Variants in CSMD1 observed in about 807,000 individuals in gnomAD.
The protein encoded by CSMD1 is CUB and Sushi multiple domains 1, also known as CUB and sushi domain-containing protein 1.
In CSMD1, 213 loss-of-function variants were observed where a neutral mutation model predicts 417.5. The observed-to-expected ratio is 0.51, with a 90% CI of 0.46 to 0.57. CSMD1 has a LOEUF of 0.57. Ranked by LOEUF, CSMD1 falls within the 20% of genes least tolerant of loss-of-function variation. The pLI, the probability that CSMD1 is intolerant of heterozygous loss-of-function variation, is 0.00. For missense variants in CSMD1, 6,923 were observed against 4,529.7 expected (o/e 1.53, Z -15.17); for synonymous variants, 2,862 against 1,736.8 (o/e 1.65, Z -16.11).
intron 5 of CSMD1, among the ~76,000 whole-genome samples, chr8:3,790,438 G>C (rs1211820419): frequency 1.3e-5 from 2 of 152,112 alleles, no homozygotes; most frequent in African/African-American, 2.4e-5. Flanking sequence ...TATAATGATG[G>C]TGATGATGAC....
rs984059354 is a variant in CSMD1, at chr8:2,950,090, C to A, written c.10314+141G>T. 12 of 613,118 alleles carry A rather than the reference C, an allele frequency of 2.0e-5. No homozygotes were observed. In the African/African-American group the frequency reaches 2.0e-4, roughly 10 times the overall value. The allele number at this position is 613,118 out of a possible 1,614,324, so 38.0% of individuals were successfully genotyped here. A position where few individuals can be genotyped will look rare whatever the true frequency, so the allele number is the denominator to read the frequency against. ...TGAAGGAATAAAATGGCCACTCTGT[C>A]AAGAAGAGGGGCAGCTGAGTTTTCA... On this transcript the variant is annotated intron_variant, in intron 67 of 69. Transcript: ENST00000635120.
intron 23 of CSMD1, among the ~76,000 whole-genome samples, chr8:3,308,744 T>TTG (rs1805093023): frequency 6.7e-6 from 1 of 148,978 alleles, no homozygotes; most frequent in African/African-American, 2.5e-5. Flanking sequence ...TTTTTTTTTT[T>TTG]TTTTTTTTTG....
chr8:4,498,596 G>C (rs1407194749), intron 2 of CSMD1, among the ~76,000 whole-genome samples: 3 of 152,128 alleles, frequency 2.0e-5, no homozygotes, highest in Non-Finnish European at 2.9e-5. Flanking sequence ...TTATAAAATA[G>C]TTCATTCAAA....
intron 11 of CSMD1, among the ~76,000 whole-genome samples, chr8:3,481,446 G>A (rs960310846): frequency 3.9e-5 from 6 of 152,230 alleles, no homozygotes; most frequent in East Asian, 3.9e-4. Context: ...AAATGCAAGT[G>A]CAGTTTCCAT....
At chr8:3,553,949 G>T (rs10100507) in intron 10 of CSMD1, among the ~76,000 whole-genome samples, 83,102 of 152,052 alleles carry the variant, frequency 0.55, 22,900 homozygotes, top group East Asian at 0.67. Flanking sequence ...AAAACAGAAT[G>T]TAATTTGTAC....
At chr8:3,489,129 G>C (rs1267880199) in intron 11 of CSMD1, among the ~76,000 whole-genome samples, 2 of 152,114 alleles carry the variant, frequency 1.3e-5, no homozygotes, top group Non-Finnish European at 2.9e-5. Flanking sequence ...TTAATAAAAA[G>C]AGAATGATAC....
chr8:4,401,772 C>T (rs948663846), intron 3 of CSMD1, among the ~76,000 whole-genome samples: 3 of 152,070 alleles, frequency 2.0e-5, no homozygotes, highest in Non-Finnish European at 4.4e-5. Flanking sequence ...ACATAGTCCC[C>T]GCAGCCCTGT....
chr8:3,390,862 T>A (rs375513009), intron 17 of CSMD1, among the ~76,000 whole-genome samples: 13 of 152,262 alleles, frequency 8.5e-5, no homozygotes, highest in African/African-American at 3.1e-4. Flanking sequence ...GCACATTTCA[T>A]ATGCCGAGCT....
intron 2 of CSMD1, among the ~76,000 whole-genome samples, chr8:4,495,094 A>C (rs936029423): frequency 6.6e-6 from 1 of 152,176 alleles, no homozygotes; most frequent in Non-Finnish European, 1.5e-5. Flanking sequence ...TTCACTATTC[A>C]CCCTGCTTCT....
intron 7 of CSMD1, among the ~76,000 whole-genome samples, chr8:3,673,237 A>T (rs1230200588): frequency 6.6e-6 from 1 of 152,182 alleles, no homozygotes; most frequent in Non-Finnish European, 1.5e-5. Context: ...AACATTTCCA[A>T]ATTCGTTTCT....
intron 20 of CSMD1, among the ~76,000 whole-genome samples, chr8:3,365,551 G>C (rs555480879): frequency 3.3e-5 from 5 of 152,110 alleles, no homozygotes; most frequent in African/African-American, 1.2e-4. Flanking sequence ...CAATTTTTTG[G>C]AGATTTGCTA....
chr8:3,712,767 C>G (rs1436744232), intron 6 of CSMD1, among the ~76,000 whole-genome samples: 3 of 152,104 alleles, frequency 2.0e-5, no homozygotes, highest in Non-Finnish European at 4.4e-5. Flanking sequence ...CTCACATTCC[C>G]TGGTGTCTGT....
At chr8:4,183,867 A>G (rs1340467572) in intron 3 of CSMD1, among the ~76,000 whole-genome samples, 1 of 152,134 alleles carries the variant, frequency 6.6e-6, no homozygotes, top group Non-Finnish European at 1.5e-5. Flanking sequence ...ACACTCAGTG[A>G]GTTTTTTAGT....
At chr8:4,069,010 T>C (rs1361242563) in intron 3 of CSMD1, among the ~76,000 whole-genome samples, 2 of 152,248 alleles carry the variant, frequency 1.3e-5, no homozygotes, top group South Asian at 2.1e-4. Flanking sequence ...AACCCAGTAG[T>C]TGATTTTTAC....
chr8:3,221,707 T>C (rs777089753), intron 28 of CSMD1, among the ~76,000 whole-genome samples: 3 of 152,034 alleles, frequency 2.0e-5, no homozygotes, highest in Non-Finnish European at 4.4e-5. Flanking sequence ...TCTAAGCTCT[T>C]ACAGCATGCC....
At chr8:4,777,265 G>C (rs1029178778) in intron 1 of CSMD1, among the ~76,000 whole-genome samples, 1 of 152,216 alleles carries the variant, frequency 6.6e-6, no homozygotes, top group African/African-American at 2.4e-5. Flanking sequence ...GCAAGGCAGT[G>C]CGAGAAACAA....
intron 3 of CSMD1, among the ~76,000 whole-genome samples, chr8:4,244,952 A>G (rs1245697975): frequency 2.0e-5 from 3 of 152,300 alleles, no homozygotes; most frequent in African/African-American, 4.8e-5. Context: ...GAAAACAAAT[A>G]AACTTTAAAA....
intron 7 of CSMD1, among the ~76,000 whole-genome samples, chr8:3,665,310 G>T (rs1798629414): frequency 6.6e-6 from 1 of 152,072 alleles, no homozygotes; most frequent in African/African-American, 2.4e-5. Flanking sequence ...TGGGCGGATG[G>T]CCTGAGGTCA....
At position 2,974,603 on chromosome 8, in the gene CSMD1, C is replaced by G; in HGVS notation, c.8588G>C (p.Gly2863Ala). 6.2e-7 allele frequency: 1 copy of G among 1,608,694 alleles called. No individual in the cohort carries two copies. The highest frequency in any genetic ancestry group is 8.5e-7 in the Non-Finnish European group (1 of 1,177,454). The change falls in exon 56 of 70, where the codon GGG becomes GCG. Residue 2863 changes from glycine (G) to alanine (A), a missense_variant. Transcript: ENST00000635120. ...AGTGAGGACGGCGTTGGCAGGGACC[C>G]CTGGGTGTCCACACGATATAGCTTC... Reference protein sequence around the residue: ...KCLAISCGHPGVPANAVLTGE... With the variant: ...KCLAISCGHPAVPANAVLTGE...
Sources: allele counts gnomAD v4.1 joint callset (sites outside exome capture counted in the v4.1 genomes callset), GRCh38; gene constraint gnomAD v4.1.1; transcripts MANE v1.5; gene names NCBI Gene and HGNC (gene_info 2026-07-23, HGNC 2026-07-21).